The following CACNA1C variants were observed in gnomAD, a reference collection of about 807,000 sequenced individuals.
CACNA1C encodes voltage-dependent L-type calcium channel subunit alpha-1C.
CACNA1C carries 30 observed loss-of-function variants against 229.0 expected under a neutral mutation model. The ratio of observed to expected loss-of-function variants is 0.13; its 90% confidence interval spans 0.10 to 0.18. The LOEUF is 0.18. Among genes scored for constraint, CACNA1C ranks in the 10% least tolerant of loss-of-function variants. The probability of loss-of-function intolerance (pLI) is 1.00; values close to 1 mark genes in which losing one functional copy is unlikely to be tolerated. For missense variants in CACNA1C, 1,658 were observed against 2,845.0 expected (o/e 0.58, Z 9.49); for synonymous variants, 1,114 against 1,132.5 (o/e 0.98, Z 0.33).
intron 1 of CACNA1C, chr12:1,991,178 C>T (rs768643021): frequency 4.2e-5 from 19 of 455,940 alleles, no homozygotes; most frequent in East Asian, 6.9e-5. Context: ...GAAAAAGCAA[C>T]GGAAGTGAAA....
In CACNA1C at chr12:2,655,099, C is replaced by T. The variant is rs182939432; in HGVS notation, c.4141-48C>T. On this transcript the variant is annotated intron_variant, in intron 33 of 46. Coordinates refer to ENST00000399655, the MANE Select transcript of CACNA1C (RefSeq NM_000719.7). ...ATTGAACAATGGTGGGAAATTAGGACCCTATCTGTCCACAAATCACTGAAC... is the reference window on the plus strand; with the variant it reads ...ATTGAACAATGGTGGGAAATTAGGATCCTATCTGTCCACAAATCACTGAAC... 8.8e-4 allele frequency: 1,004 copies of T among 1,138,396 alleles called. 3 individuals carry two copies. The highest frequency in any genetic ancestry group is 1.2e-3 in the Non-Finnish European group (903 of 753,622). The allele number at this position is 1,138,396 out of a possible 1,614,324, so 70.5% of individuals were successfully genotyped here.
rs2096124044 is a variant in CACNA1C, at chr12:2,666,572, CTG to C, written c.4527-111_4527-110del. Reference sequence around the variant, plus strand: ...GAGTGTGACTAATAGGGCTACCACACTGTGCAGTGTTGCCCATATGAGTGGGC... The same window carrying C: ...GAGTGTGACTAATAGGGCTACCACACTGCAGTGTTGCCCATATGAGTGGGC... On this transcript the variant is annotated intron_variant, in intron 36 of 46. Coordinates refer to ENST00000399655, the MANE Select transcript of CACNA1C (RefSeq NM_000719.7). This position sits in a 1 kb window ranked among gnomAD's most constrained non-coding sequence, Gnocchi z 5.3. 6.3e-6 allele frequency: 4 copies of C among 631,682 alleles called. No homozygotes were observed. The highest frequency in any genetic ancestry group is 3.6e-5 in the African/African-American group (2 of 54,836). 39.1% of individuals were successfully genotyped at this position (631,682 alleles called of 1,614,324 possible).
intron 24 of CACNA1C, among the ~76,000 whole-genome samples, chr12:2,606,106 A>T (rs779490165): frequency 1.4e-4 from 21 of 152,164 alleles, no homozygotes; most frequent in Non-Finnish European, 2.5e-4. Flanking sequence ...TAAAGCCTGC[A>T]GCGGTGACCT....
chr12:2,360,156 A>ACCCCCCCCCCCC (rs796441635), intron 3 of CACNA1C, among the ~76,000 whole-genome samples: 2 of 57,076 alleles, frequency 3.5e-5, no homozygotes, highest in Admixed American at 1.8e-4. Flanking sequence ...AACACACCCC[A>ACCCCCCCCCCCC]CCCCCCCCCA....
At chr12:2,521,792 C>A (rs925342497) in intron 9 of CACNA1C, among the ~76,000 whole-genome samples, 3 of 152,196 alleles carry the variant, frequency 2.0e-5, no homozygotes, top group Non-Finnish European at 2.9e-5. Flanking sequence ...TGCTGCCCTG[C>A]CTTCCAGCCC....
At chr12:2,094,322 A>T (rs1230875907) in intron 1 of CACNA1C, among the ~76,000 whole-genome samples, 4 of 152,128 alleles carry the variant, frequency 2.6e-5, no homozygotes, top group Non-Finnish European at 5.9e-5. Context: ...CGGTGGTCCT[A>T]GCCCATTAGC....
rs761452073 is a variant in CACNA1C at position 2,682,569 on chromosome 12, C to G, written c.5464C>G (p.Gln1822Glu). Residue 1822 changes from glutamine to glutamate, a missense_variant, in exon 43 of 47, where the codon CAG (glutamine) becomes GAG (glutamate). This residue lies in a region of CACNA1C where 590 missense variants were observed against 700.8 expected (regional missense o/e 0.84). Coordinates refer to ENST00000399655, the MANE Select transcript of CACNA1C (RefSeq NM_000719.7). The stretch of plus-strand genomic sequence containing the variant: ...TTGTAGGTGCCACTCCCGGGAGAGC[C>G]AGGCAGCCATGGCGGGTCAGGAGGA... ...SSNRCHSRES[Q>E]AAMAGQEETS... 1.2e-6 allele frequency: 2 copies of G among 1,612,566 alleles called. No homozygotes were observed. Among genetic ancestry groups the G allele is most frequent in the African/African-American group, 2.7e-5 (2 of 74,880 alleles).
chr12:2,313,301 G>A (rs1264693911), intron 3 of CACNA1C, among the ~76,000 whole-genome samples: 3 of 152,152 alleles, frequency 2.0e-5, no homozygotes, highest in South Asian at 4.1e-4. Flanking sequence ...TACATTCTGC[G>A]GGCTGAGATG....
chr12:2,366,000 G>A (rs2097709530), intron 3 of CACNA1C, among the ~76,000 whole-genome samples: 1 of 152,198 alleles, frequency 6.6e-6, no homozygotes, highest in Non-Finnish European at 1.5e-5. Context: ...AAGCATACAT[G>A]TCCTCCTCCA....
chr12:2,039,577 T>A (rs1170235958), intron 1 of CACNA1C, among the ~76,000 whole-genome samples: 1 of 152,190 alleles, frequency 6.6e-6, no homozygotes, highest in African/African-American at 2.4e-5. Flanking sequence ...CCTTGAGATG[T>A]TGAGAGTCTA....
chr12:2,202,821 GATAAAGGACCCTGGGCCTTGAGA>G (rs1314536977), intron 3 of CACNA1C, among the ~76,000 whole-genome samples: 9 of 152,182 alleles, frequency 5.9e-5, no homozygotes, highest in African/African-American at 9.7e-5. Context: ...GAGGCTTGAG[GATAAAGGACCCTGGGCCTTGAGA>G]ATGCTTCAAG....
chr12:2,102,597 TA>T (rs2076832729), intron 1 of CACNA1C, among the ~76,000 whole-genome samples: 2 of 152,228 alleles, frequency 1.3e-5, no homozygotes, highest in South Asian at 4.1e-4. Flanking sequence ...TTATTTTTTT[TA>T]ATTACACTTA....
At chr12:2,093,582 T>A (rs888285153) in intron 1 of CACNA1C, among the ~76,000 whole-genome samples, 3 of 152,240 alleles carry the variant, frequency 2.0e-5, no homozygotes, top group Non-Finnish European at 2.9e-5. Flanking sequence ...CAAGGGTGAC[T>A]GTGGGGTCAT....
chr12:2,470,115 C>T (rs1048480571), intron 5 of CACNA1C, among the ~76,000 whole-genome samples: 28 of 152,208 alleles, frequency 1.8e-4, no homozygotes, highest in Non-Finnish European at 4.0e-4. Context: ...GCCACTCTTT[C>T]AGCTCCCAAT....
chr12:2,429,134 G>T (rs1046779910), intron 3 of CACNA1C, among the ~76,000 whole-genome samples: 18 of 152,038 alleles, frequency 1.2e-4, no homozygotes, highest in African/African-American at 4.3e-4. Flanking sequence ...TGCCTCGGTG[G>T]TCACATGGCT....
At chr12:2,249,717 C>G (rs1458048574) in intron 3 of CACNA1C, among the ~76,000 whole-genome samples, 1 of 151,724 alleles carries the variant, frequency 6.6e-6, no homozygotes, top group African/African-American at 2.4e-5. Flanking sequence ...AAAATCTAGT[C>G]TAGGGCTCAC....
In CACNA1C at chr12:2,067,481, T is replaced by TGTGTGTGTGTGTGTGC. The variant is rs3085990; in HGVS notation, c.49+13871_49+13872insTGTGTGTGTGTGTGCG. On this transcript the variant is annotated intron_variant, in intron 1 of 46. Coordinates refer to ENST00000399655, the MANE Select transcript of CACNA1C (RefSeq NM_000719.7). The surrounding 1 kb of genome is among the most constrained non-coding windows in gnomAD (Gnocchi z 5.3). ...GTGTGTGTGTGTGTGTGTGTGTGTG[T>TGTGTGTGTGTGTGTGC]GCGCGCGTGTGCGTGCCTGTATGTA... is the stretch of plus-strand genomic sequence containing the variant. Among the ~76,000 whole-genome samples the TGTGTGTGTGTGTGTGC allele has an allele frequency of 9.2e-4, 130 of 140,888 alleles. No homozygotes were observed. The highest frequency in any genetic ancestry group is 1.6e-3 in the South Asian group (7 of 4,362). The allele number at this position is 140,888 out of a possible 152,430, so 92.4% of individuals were successfully genotyped here.
At chr12:2,360,115 T>A (rs2097514400) in intron 3 of CACNA1C, among the ~76,000 whole-genome samples, 1 of 150,430 alleles carries the variant, frequency 6.6e-6, no homozygotes, top group African/African-American at 2.5e-5. Context: ...GGGAGGAAAG[T>A]CCAGGTGTCT....
rs2067632820 is a variant in CACNA1C, at chr12:2,595,376, G to T, written c.2664-498G>T. Among the ~76,000 whole-genome samples the T allele has an allele frequency of 6.6e-6, 1 of 152,144 alleles. No homozygotes were observed. Among genetic ancestry groups the T allele is most frequent in the African/African-American group, 2.4e-5 (1 of 41,424 alleles). ...AGCATTTTTGGTGCTATCACTGAGT[G>T]CCTAGAAGCTCAGTTGGGTAATTGT... On this transcript the variant is annotated intron_variant, in intron 19 of 46. Transcript: ENST00000399655. The surrounding 1 kb of genome is among the most constrained non-coding windows in gnomAD (Gnocchi z 4.1).
Sources: allele counts gnomAD v4.1 joint callset (sites outside exome capture counted in the v4.1 genomes callset), GRCh38; gene constraint gnomAD v4.1.1; regional missense constraint gnomAD v4.1.1; non-coding constraint Gnocchi (gnomAD v3.1); transcripts MANE v1.5; gene names NCBI Gene and HGNC (gene_info 2026-07-23, HGNC 2026-07-21).